HNF4G: variants seen among roughly 807,000 people sequenced by gnomAD.
HNF4G encodes hepatocyte nuclear factor 4 gamma.
A neutral mutation model predicts 50.9 loss-of-function variants in HNF4G; 21 were observed. That is an observed-to-expected ratio of 0.41 (90% CI 0.29 to 0.59). The LOEUF (loss-of-function observed/expected upper bound fraction) is 0.59. Among genes scored for constraint, HNF4G ranks in the 20% least tolerant of loss-of-function variants. The pLI is 0.26. For missense variants in HNF4G, 527 were observed against 559.4 expected (o/e 0.94, Z 0.58); for synonymous variants, 198 against 185.6 (o/e 1.07, Z -0.54).
intron 1 of HNF4G, among the ~76,000 whole-genome samples, chr8:75,540,847 G>A (rs1305310799): frequency 8.0e-6 from 1 of 124,506 alleles, no homozygotes; most frequent in Non-Finnish European, 1.7e-5. Context: ...TTTGGAAAAT[G>A]TGTATGTGTG....
chr8:75,564,192 G>T lies in HNF4G; in HGVS notation c.*96G>T. The T allele has an allele frequency of 1.6e-6, 2 of 1,262,790 alleles. No homozygotes were observed. Among genetic ancestry groups the T allele is most frequent in the Non-Finnish European group, 2.2e-6 (2 of 894,594 alleles). The allele number at this position is 1,262,790 out of a possible 1,614,324, so 78.2% of individuals were successfully genotyped here. ...CACTTTTGGCAAACTCTTAGCCAAGGCTTCTTCATTGGTGCTGTTATAAGA... is the reference window on the plus strand; with the variant it reads ...CACTTTTGGCAAACTCTTAGCCAAGTCTTCTTCATTGGTGCTGTTATAAGA... On this transcript the variant is annotated 3_prime_UTR_variant, in exon 10 of 10. Transcript: ENST00000396423.
intron 2 of HNF4G, among the ~76,000 whole-genome samples, chr8:75,514,659 T>C (rs1450098091): frequency 6.6e-6 from 1 of 152,130 alleles, no homozygotes; most frequent in East Asian, 1.9e-4. Context: ...CCCATCTTTT[T>C]ACTTTCAAAT....
At chr8:75,441,856 A>G (rs1241544425) in intron 1 of HNF4G, among the ~76,000 whole-genome samples, 28 of 152,248 alleles carry the variant, frequency 1.8e-4, no homozygotes, top group Non-Finnish European at 1.6e-4. Context: ...ATACACTAGA[A>G]TATTTATAGC....
At chr8:75,503,444 C>T (rs773499390) in intron 2 of HNF4G, among the ~76,000 whole-genome samples, 2 of 152,132 alleles carry the variant, frequency 1.3e-5, no homozygotes, top group African/African-American at 2.4e-5. Flanking sequence ...GTTGGGTGTA[C>T]AGTGTCTCTG....
rs1230988696 is a variant in HNF4G, at chr8:75,556,075, T to A, written c.733+6T>A. ...TAAAGATATTTTGCTTTTGGGTAAG[T>A]TTTTTTTTTTTAATTTAAGAAGAAA... On this transcript the variant is annotated splice_donor_region_variant and intron_variant, in intron 6 of 9. Coordinates refer to ENST00000396423, the MANE Select transcript of HNF4G (RefSeq NM_004133.5). 10 of 132,492 alleles carry A rather than the reference T, an allele frequency of 7.5e-5. No homozygotes were observed. The highest frequency in any genetic ancestry group is 9.3e-5 in the Non-Finnish European group (9 of 96,910). The allele number at this position is 132,492 out of a possible 1,614,324, so 8.2% of individuals were successfully genotyped here. A position where few individuals can be genotyped will look rare whatever the true frequency, so the allele number is the denominator to read the frequency against.
intron 1 of HNF4G, among the ~76,000 whole-genome samples, chr8:75,479,419 AT>A (rs1812319157): frequency 6.6e-6 from 1 of 152,202 alleles, no homozygotes; most frequent in Non-Finnish European, 1.5e-5. Flanking sequence ...GTAACCTAAA[AT>A]TTTTAGTAAT....
chr8:75,484,690 C>G lies in HNF4G; in HGVS notation c.-143-5399C>G, dbSNP rs141713303. Among the ~76,000 whole-genome samples, 4 of 152,364 alleles carry G rather than the reference C, an allele frequency of 2.6e-5. No homozygotes were observed. In the East Asian group the frequency reaches 7.7e-4, roughly 29 times the overall value. ...ATGTCTGTCCTCCCCAATAGACTAT[C>G]AGCTTCACTGAAGCAGTAACTGTGT... On this transcript the variant is annotated intron_variant, in intron 1 of 10. Coordinates refer to the HNF4G transcript ENST00000354370.
At chr8:75,432,292 A>T (rs1284583059) in intron 1 of HNF4G, among the ~76,000 whole-genome samples, 5 of 121,728 alleles carry the variant, frequency 4.1e-5, no homozygotes, top group East Asian at 4.8e-4. Flanking sequence ...GTATCAAAAT[A>T]AAAAAAAAAA....
intron 9 of HNF4G, 31 bp from the exon 10 acceptor site, chr8:75,563,944 C>A: frequency 6.2e-7 from 1 of 1,611,394 alleles, no homozygotes; most frequent in East Asian, 2.2e-5. Context: ...TGACTGCCAC[C>A]ATTAGACTCA....
intron 1 of HNF4G, among the ~76,000 whole-genome samples, chr8:75,434,964 T>C (rs999149844): frequency 1.3e-5 from 2 of 152,204 alleles, no homozygotes; most frequent in Admixed American, 1.3e-4. Flanking sequence ...ATAAATGATT[T>C]CACAGGTGCA....
intron 1 of HNF4G, among the ~76,000 whole-genome samples, chr8:75,450,566 G>C (rs749705272): frequency 6.6e-6 from 1 of 151,966 alleles, no homozygotes; most frequent in Non-Finnish European, 1.5e-5. Context: ...TGTGTATAAG[G>C]GTTCTTTTTT....
At chr8:75,516,171 G>C (rs970133337) in intron 2 of HNF4G, among the ~76,000 whole-genome samples, 1 of 152,192 alleles carries the variant, frequency 6.6e-6, no homozygotes, top group East Asian at 1.9e-4. Context: ...GCATCACTTA[G>C]CCCAGTCAAG....
intron 1 of HNF4G, among the ~76,000 whole-genome samples, chr8:75,418,577 C>G (rs900067101): frequency 2.0e-5 from 3 of 152,072 alleles, no homozygotes; most frequent in African/African-American, 7.2e-5. Context: ...TCATATTTGG[C>G]CTTAGTATAT....
intron 1 of HNF4G, among the ~76,000 whole-genome samples, chr8:75,486,540 T>C (rs1337153051): frequency 6.6e-6 from 1 of 152,222 alleles, no homozygotes; most frequent in African/African-American, 2.4e-5. Context: ...TTTCACACTT[T>C]AGTTAAATTA....
Position 75,564,626 on chromosome 8 carries a change from C to T in HNF4G, c.*530C>T, listed in dbSNP as rs770246811. 4.6e-5 allele frequency: 7 copies of T among 152,130 alleles called. No individual in the cohort carries two copies. The highest frequency in any genetic ancestry group is 2.0e-4 in the Admixed American group (3 of 15,256). 9.4% of individuals were successfully genotyped at this position (152,130 alleles called of 1,614,324 possible). A position where few individuals can be genotyped will look rare whatever the true frequency, so the allele number is the denominator to read the frequency against. On this transcript the variant is annotated 3_prime_UTR_variant, in exon 10 of 10. Transcript: ENST00000396423. ...TTATGGACAGTCTGTGGTAAAGAAG[C>T]AACTCTTTGCTTTAGAGTTAAATAT...
At chr8:75,515,874 T>G (rs966551531) in intron 2 of HNF4G, among the ~76,000 whole-genome samples, 3 of 152,138 alleles carry the variant, frequency 2.0e-5, no homozygotes, top group African/African-American at 7.2e-5. Flanking sequence ...TAAGTGATTC[T>G]CCTGCCTCAG....
chr8:75,549,671 C>T (rs748811042), intron 3 of HNF4G, among the ~76,000 whole-genome samples: 105 of 150,712 alleles, frequency 7.0e-4, no homozygotes, highest in Admixed American at 1.1e-3. Flanking sequence ...AGGCTAGTTA[C>T]ATATGTATAC....
Position 75,551,236 on chromosome 8 carries a change from A to T in HNF4G, c.383-152A>T. On this transcript the variant is annotated intron_variant, in intron 3 of 9. Transcript: ENST00000396423. The stretch of plus-strand genomic sequence containing the variant: ...ACAAACCTGACTATTGCTATTTTTG[A>T]AAGTAGTGGAGAATGAAAATATCTT... 5.6e-6 allele frequency: 3 copies of T among 539,878 alleles called. No homozygotes were observed. In the East Asian group the frequency reaches 9.0e-5, roughly 16 times the overall value. The allele number at this position is 539,878 out of a possible 1,614,324, so 33.4% of individuals were successfully genotyped here.
intron 1 of HNF4G, among the ~76,000 whole-genome samples, chr8:75,428,561 G>C (rs1302931763): frequency 6.6e-6 from 1 of 152,156 alleles, no homozygotes; most frequent in Non-Finnish European, 1.5e-5. Flanking sequence ...AGCGCAGAAA[G>C]AGCTTCACTG....
Sources: allele counts gnomAD v4.1 joint callset (sites outside exome capture counted in the v4.1 genomes callset), GRCh38; gene constraint gnomAD v4.1.1; transcripts MANE v1.5; gene names NCBI Gene and HGNC (gene_info 2026-07-23, HGNC 2026-07-21).